Variants in ANKRD26 observed in about 807,000 individuals in gnomAD.
ANKRD26 encodes ankyrin repeat domain 26.
A neutral mutation model predicts 208.7 loss-of-function variants in ANKRD26; 141 were observed. The ratio of observed to expected loss-of-function variants is 0.68; its 90% confidence interval spans 0.59 to 0.78. ANKRD26 has a LOEUF of 0.78. Ranked by LOEUF, ANKRD26 falls within the 30% of genes least tolerant of loss-of-function variation. The pLI is 0.00. For missense variants in ANKRD26, 1,889 were observed against 1,938.7 expected, an observed-to-expected ratio of 0.97 and a Z score of 0.48; for synonymous variants, 636 against 660.4, an observed-to-expected ratio of 0.96 and a Z score of 0.57.
chr10:27,008,213 A>C (rs1350065353), intron 32 of ANKRD26, among the ~76,000 whole-genome samples: 1 of 151,984 alleles, frequency 6.6e-6, no homozygotes, highest in Non-Finnish European at 1.5e-5. Flanking sequence ...GGTGATAATG[A>C]TAATATGATA....
chr10:27,082,777 A>G (rs759100912), intron 6 of ANKRD26, 26 bp downstream of exon 6: 2 of 1,564,498 alleles, frequency 1.3e-6, no homozygotes, highest in Non-Finnish European at 1.7e-6. Context: ...CTTTAAATAT[A>G]TTTTTAAAAA....
chr10:27,039,911 T>C (rs1288678008), intron 21 of ANKRD26, 54 bp downstream of exon 21: 3 of 1,518,314 alleles, frequency 2.0e-6, no homozygotes, highest in African/African-American at 2.7e-5. Flanking sequence ...ACAAGAATTC[T>C]ATATATCTTT....
At chr10:27,013,901 G>C (rs986197376) in intron 31 of ANKRD26, among the ~76,000 whole-genome samples, 1 of 152,260 alleles carries the variant, frequency 6.6e-6, no homozygotes, top group East Asian at 1.9e-4. Context: ...GGCTGACCAA[G>C]GTGTTATTTT....
Position 27,044,164 on chromosome 10 carries a change from T to C in ANKRD26, c.2012A>G (p.Lys671Arg). Reference sequence around the variant, plus strand: ...ATTTATTTTTTACAGTACCTTGTTCTTTTCATTAGATGTTTTCTTAGTAGG... The same window carrying C: ...ATTTATTTTTTACAGTACCTTGTTCCTTTCATTAGATGTTTTCTTAGTAGG... ...GRPTKKTSNE[K>R]NKVKNQIQSM... is the part of the protein sequence containing the mutation. The change falls in exon 19 of 34, where the codon AAG becomes AGG. Residue 671 changes from lysine (K) to arginine (R), a missense_variant. Around this residue, in one of 3 missense-constraint regions of ANKRD26, gnomAD observed 1,272 missense variants for 1,273.8 expected, o/e 1.00. Transcript: ENST00000376087. 7.1e-7 allele frequency: 1 copy of C among 1,416,360 alleles called. No individual in the cohort carries two copies. The highest frequency in any genetic ancestry group is 9.6e-7 in the Non-Finnish European group (1 of 1,037,184). The allele number at this position is 1,416,360 out of a possible 1,614,324, so 87.7% of individuals were successfully genotyped here.
chr10:27,025,032 G>A (rs1426810279), intron 27 of ANKRD26, among the ~76,000 whole-genome samples: 1 of 152,004 alleles, frequency 6.6e-6, no homozygotes, highest in Non-Finnish European at 1.5e-5. Flanking sequence ...TCTTCTATGG[G>A]TTTCAATTTT....
At chr10:27,007,462 T>C (rs2052928754) in intron 32 of ANKRD26, among the ~76,000 whole-genome samples, 1 of 152,172 alleles carries the variant, frequency 6.6e-6, no homozygotes, top group African/African-American at 2.4e-5. Flanking sequence ...GAGACCAGCC[T>C]GGGCAACATA....
intron 6 of ANKRD26, among the ~76,000 whole-genome samples, chr10:27,079,688 T>C (rs929613353): frequency 6.6e-6 from 1 of 151,940 alleles, no homozygotes; most frequent in African/African-American, 2.4e-5. Context: ...ACCCTGTCTC[T>C]ACTAAAATAC....
intron 19 of ANKRD26, among the ~76,000 whole-genome samples, 180 bp from the exon 20 acceptor site, chr10:27,043,747 A>C (rs2054343716): frequency 6.6e-6 from 1 of 152,204 alleles, no homozygotes; most frequent in African/African-American, 2.4e-5. Context: ...TTTCAAAGTA[A>C]ATGTCTTTAC....
intron 30 of ANKRD26, among the ~76,000 whole-genome samples, chr10:27,015,372 T>C (rs1417916250): frequency 6.6e-6 from 1 of 152,242 alleles, no homozygotes; most frequent in Non-Finnish European, 1.5e-5. Context: ...TCACCTGGAC[T>C]ACAAGTAAAG....
At chr10:27,077,824 G>A in intron 7 of ANKRD26, 131 bp from the exon 8 acceptor site, 1 of 831,978 alleles carries the variant, frequency 1.2e-6, no homozygotes, top group Non-Finnish European at 1.9e-6. Context: ...TCACTCAGAT[G>A]TAGATTTAAA....
chr10:27,022,770 C>T, intron 28 of ANKRD26, 83 bp from the exon 29 acceptor site: 1 of 1,293,162 alleles, frequency 7.7e-7, no homozygotes, highest in Non-Finnish European at 1.1e-6. Context: ...TATGTTTTAG[C>T]ATGTAAGAAA....
intron 17 of ANKRD26, among the ~76,000 whole-genome samples, chr10:27,047,238 G>C (rs1247368013): frequency 2.6e-5 from 4 of 152,132 alleles, no homozygotes; most frequent in Admixed American, 6.5e-5. Flanking sequence ...AATATCCTGG[G>C]TGGGGGAAAA....
At chr10:27,007,650 C>T (rs946776068) in intron 32 of ANKRD26, among the ~76,000 whole-genome samples, 13 of 151,996 alleles carry the variant, frequency 8.6e-5, no homozygotes, top group Admixed American at 3.3e-4. Flanking sequence ...AGCGAGACTC[C>T]GTCTCAAAAA....
intron 4 of ANKRD26, among the ~76,000 whole-genome samples, chr10:26,997,021 T>C (rs769737671): frequency 6.6e-6 from 1 of 152,060 alleles, no homozygotes; most frequent in Non-Finnish European, 1.5e-5. Context: ...GTTTTTGTTT[T>C]GTCTCCTGGC....
intron 4 of ANKRD26, among the ~76,000 whole-genome samples, chr10:26,997,107 CA>C (rs2134708506): frequency 6.6e-6 from 1 of 151,870 alleles, no homozygotes; most frequent in Admixed American, 6.6e-5. Context: ...GATTGTGGCC[CA>C]AAAGATTGAA....
intron 3 of ANKRD26, among the ~76,000 whole-genome samples, chr10:26,983,953 G>T (rs917460658): frequency 1.3e-5 from 2 of 152,176 alleles, no homozygotes; most frequent in African/African-American, 4.8e-5. Flanking sequence ...CTGGAAATAG[G>T]CATGGTTGGC....
chr10:27,001,614 GCC>G (rs979045340), downstream of ANKRD26, among the ~76,000 whole-genome samples: 9 of 152,120 alleles, frequency 5.9e-5, no homozygotes, highest in African/African-American at 2.2e-4. Flanking sequence ...AAATCTGGCC[GCC>G]CCCACCCTAA....
In ANKRD26 at chr10:27,066,480, A is replaced by G. The variant is rs201014646; in HGVS notation, c.1269+7T>C. The G allele has an allele frequency of 3.3e-6, 5 of 1,525,000 alleles. No homozygotes were observed. The highest frequency in any genetic ancestry group is 4.4e-6 in the Non-Finnish European group (5 of 1,148,560). The allele number at this position is 1,525,000 out of a possible 1,614,324, so 94.5% of individuals were successfully genotyped here. A position where few individuals can be genotyped will look rare whatever the true frequency, so the allele number is the denominator to read the frequency against. ...TTTAAAATAATAGTAACAACCATAG[A>G]AAGTACCTCAGAATCCCAAGGTGAT... On this transcript the variant is annotated splice_region_variant and intron_variant, in intron 11 of 33. Coordinates refer to ENST00000376087, the MANE Select transcript of ANKRD26 (RefSeq NM_014915.3).
chr10:27,058,256 G>A (rs2054911506), intron 15 of ANKRD26, among the ~76,000 whole-genome samples: 1 of 152,082 alleles, frequency 6.6e-6, no homozygotes, highest in Non-Finnish European at 1.5e-5. Context: ...TCTAAATTTT[G>A]ATTTAAGAAT....
Sources: allele counts gnomAD v4.1 joint callset (sites outside exome capture counted in the v4.1 genomes callset), GRCh38; gene constraint gnomAD v4.1.1; regional missense constraint gnomAD v4.1.1; transcripts MANE v1.5; gene names NCBI Gene and HGNC (gene_info 2026-07-23, HGNC 2026-07-21).